Variants in STAU2 observed in about 807,000 individuals in gnomAD.
STAU2 encodes the protein staufen double-stranded RNA binding protein 2, also known as double-stranded RNA-binding protein Staufen homolog 2.
STAU2 carries 20 observed loss-of-function variants against 65.9 expected under a neutral mutation model. That is an observed-to-expected ratio of 0.30 (90% CI 0.21 to 0.44). The LOEUF is 0.44. Among genes scored for constraint, STAU2 ranks in the 20% least tolerant of loss-of-function variants. The pLI, the probability that STAU2 is intolerant of heterozygous loss-of-function variation, is 1.00. For synonymous variants in STAU2, 232 were observed against 233.9 expected, an observed-to-expected ratio of 0.99 and a Z score of 0.07; for missense variants, 558 against 683.9, an observed-to-expected ratio of 0.82 and a Z score of 2.05.
chr8:73,485,034 C>G (rs1449771773), intron 13 of STAU2, among the ~76,000 whole-genome samples: 1 of 151,860 alleles, frequency 6.6e-6, no homozygotes, highest in Non-Finnish European at 1.5e-5. Flanking sequence ...AAACCCAGAA[C>G]AGCCCCTGTT....
intron 3 of STAU2, among the ~76,000 whole-genome samples, chr8:73,714,691 A>C (rs1403939160): frequency 6.6e-6 from 1 of 152,338 alleles, no homozygotes; most frequent in East Asian, 1.9e-4. Context: ...AACAACATAA[A>C]AATAATAAAA....
chr8:73,701,772 T>G (rs919038370), intron 4 of STAU2, among the ~76,000 whole-genome samples: 1 of 152,166 alleles, frequency 6.6e-6, no homozygotes, highest in Non-Finnish European at 1.5e-5. Flanking sequence ...TGAAAAGATA[T>G]CTACACTCCC....
At chr8:73,424,592 G>A (rs541462711) in intron 13 of STAU2, among the ~76,000 whole-genome samples, 1 of 151,944 alleles carries the variant, frequency 6.6e-6, no homozygotes, top group Non-Finnish European at 1.5e-5. Flanking sequence ...ATGCACCACA[G>A]TTTGTCCGTT....
At chr8:73,475,018 A>G (rs1268500871) in intron 13 of STAU2, among the ~76,000 whole-genome samples, 1 of 152,214 alleles carries the variant, frequency 6.6e-6, no homozygotes, top group African/African-American at 2.4e-5. Context: ...GAGTCACCAA[A>G]GAGTATTTAC....
At chr8:73,672,205 T>G (rs1329161878) in intron 6 of STAU2, 1 of 151,908 alleles carries the variant, frequency 6.6e-6, no homozygotes, top group Non-Finnish European at 1.5e-5. Context: ...CATGGATGAA[T>G]CCCCAAACAA....
intron 9 of STAU2, among the ~76,000 whole-genome samples, chr8:73,609,918 A>C (rs1812321709): frequency 6.6e-6 from 1 of 152,192 alleles, no homozygotes; most frequent in Admixed American, 6.5e-5. Flanking sequence ...TTGTTGATAT[A>C]GATTGCAATG....
chr8:73,745,120 G>C (rs558707583), intron 1 of STAU2, among the ~76,000 whole-genome samples: 1 of 152,212 alleles, frequency 6.6e-6, no homozygotes, highest in African/African-American at 2.4e-5. Flanking sequence ...TATGGCAATA[G>C]TGACTTGACT....
chr8:73,577,766 G>A (rs1005679149), intron 12 of STAU2, among the ~76,000 whole-genome samples: 1 of 152,036 alleles, frequency 6.6e-6, no homozygotes, highest in South Asian at 2.1e-4. Context: ...GACAATTTGC[G>A]TGGATCAGAA....
In STAU2 at chr8:73,595,221, A is replaced by G; in HGVS notation, c.1106T>C (p.Met369Thr). 1 of 1,611,772 alleles carries G rather than the reference A, an allele frequency of 6.2e-7. No homozygotes were observed. Among genetic ancestry groups the G allele is most frequent in the Non-Finnish European group, 8.5e-7 (1 of 1,179,154 alleles). ...TGCTTTATAACCAAGTTGTAACAGC[A>G]TTGCTTCTGCAGCATTTTTTTTGGC... ...KIAKKNAAEAMLLQLGYKAST... is the reference protein window; with the variant it reads ...KIAKKNAAEATLLQLGYKAST... The change falls in exon 11 of 15, where the codon ATG (methionine) becomes ACG (threonine). Residue 369 changes from methionine to threonine, a missense_variant. Met to Thr is a moderately conservative substitution (Grantham distance 81). Around this residue, in one of 3 missense-constraint regions of STAU2, gnomAD observed 247 missense variants for 270.1 expected, o/e 0.91. Transcript: ENST00000524300.
intron 13 of STAU2, among the ~76,000 whole-genome samples, chr8:73,425,386 A>G (rs1373474276): frequency 5.9e-5 from 9 of 152,274 alleles, no homozygotes; most frequent in Non-Finnish European, 1.3e-4. Flanking sequence ...GCCAAGGAAC[A>G]CCAAAGATTG....
intron 6 of STAU2, among the ~76,000 whole-genome samples, chr8:73,618,259 A>C (rs1812982332): frequency 2.0e-5 from 3 of 152,222 alleles, no homozygotes; most frequent in Admixed American, 1.3e-4. Context: ...AGATGTAAGA[A>C]AAAGTAAAGA....
At chr8:73,563,948 C>A (rs571688162) in intron 12 of STAU2, among the ~76,000 whole-genome samples, 2 of 152,274 alleles carry the variant, frequency 1.3e-5, no homozygotes, top group African/African-American at 4.8e-5. Context: ...ATTCCAGAAT[C>A]CAGTTAAGAA....
intron 13 of STAU2, among the ~76,000 whole-genome samples, chr8:73,517,517 C>A (rs999599967): frequency 1.3e-5 from 2 of 152,114 alleles, no homozygotes; most frequent in African/African-American, 4.8e-5. Flanking sequence ...ATCTAGAAAA[C>A]ACTTTGGGTT....
At chr8:73,651,263 GGCCAAAC>G in intron 6 of STAU2, 1 of 678,470 alleles carries the variant, frequency 1.5e-6, no homozygotes, top group Non-Finnish European at 2.6e-6. Context: ...TTGAGGAAAG[GGCCAAAC>G]GCCTGGCGGG....
At chr8:73,722,162 T>A (rs1023171393) in intron 3 of STAU2, among the ~76,000 whole-genome samples, 6 of 152,206 alleles carry the variant, frequency 3.9e-5, no homozygotes, top group African/African-American at 1.4e-4. Context: ...AAGAATCTTA[T>A]AACAGTATAC....
intron 2 of STAU2, among the ~76,000 whole-genome samples, chr8:73,738,859 T>C (rs1030977019): frequency 2.1e-4 from 32 of 152,354 alleles, no homozygotes; most frequent in Admixed American, 2.0e-4. Context: ...TTAGATGGTA[T>C]GGAAAAGAGC....
intron 12 of STAU2, among the ~76,000 whole-genome samples, chr8:73,568,456 A>G (rs1168229640): frequency 6.6e-6 from 1 of 152,084 alleles, no homozygotes; most frequent in Non-Finnish European, 1.5e-5. Flanking sequence ...GTGGGGGCAA[A>G]GCTGGGTGTG....
At chr8:73,747,438 C>G, upstream of STAU2, 1 of 1,534,886 alleles carries the variant, frequency 6.5e-7, no homozygotes, top group Middle Eastern at 1.7e-4. Context: ...GACGCGCGAC[C>G]ATCCCGCGTC....
At chr8:73,471,886 C>T (rs144707556) in intron 13 of STAU2, among the ~76,000 whole-genome samples, 13 of 149,262 alleles carry the variant, frequency 8.7e-5, no homozygotes, top group Admixed American at 4.7e-4. Flanking sequence ...CACGTTAAGA[C>T]GTAGGTAGGT....
Sources: allele counts gnomAD v4.1 joint callset (sites outside exome capture counted in the v4.1 genomes callset), GRCh38; gene constraint gnomAD v4.1.1; regional missense constraint gnomAD v4.1.1; transcripts MANE v1.5; gene names NCBI Gene and HGNC (gene_info 2026-07-23, HGNC 2026-07-21).